The following CSTF3 variants were observed in gnomAD, a reference collection of about 807,000 sequenced individuals.
The protein encoded by CSTF3 is cleavage stimulation factor subunit 3, also known as CF-1 77 kDa subunit.
A neutral mutation model predicts 105.8 loss-of-function variants in CSTF3; 29 were observed. The observed-to-expected ratio is 0.27, with a 90% CI of 0.20 to 0.37. The LOEUF is 0.37. Ranked by LOEUF, CSTF3 falls within the 10% of genes least tolerant of loss-of-function variation. The pLI is 1.00. For missense variants in CSTF3, 357 were observed against 879.3 expected, an observed-to-expected ratio of 0.41 and a Z score of 7.51; for synonymous variants, 252 against 281.9, an observed-to-expected ratio of 0.89 and a Z score of 1.06.
At chr11:33,130,603 T>TA (rs1268435487) in intron 3 of CSTF3, among the ~76,000 whole-genome samples, 1 of 152,246 alleles carries the variant, frequency 6.6e-6, no homozygotes, top group African/African-American at 2.4e-5. Context: ...GAAAGGCTAA[T>TA]ACACTCTACC....
chr11:33,158,961 A>G (rs1194296319), intron 1 of CSTF3, among the ~76,000 whole-genome samples: 1 of 152,166 alleles, frequency 6.6e-6, no homozygotes, highest in East Asian at 1.9e-4. Flanking sequence ...AAATGATTCA[A>G]TATGTAAATC....
chr11:33,111,576 T>C (rs550277332), intron 3 of CSTF3, among the ~76,000 whole-genome samples: 2 of 152,334 alleles, frequency 1.3e-5, no homozygotes, highest in African/African-American at 4.8e-5. Context: ...GGCAGGGTGA[T>C]ACGGGTGGAT....
At chr11:33,091,123 A>G (rs1247595497) in intron 16 of CSTF3, among the ~76,000 whole-genome samples, 2 of 152,194 alleles carry the variant, frequency 1.3e-5, no homozygotes. Flanking sequence ...ACAGATTTCT[A>G]ATTTCTCCTG....
At chr11:33,110,897 C>T (rs1217877110) in intron 3 of CSTF3, among the ~76,000 whole-genome samples, 2 of 152,018 alleles carry the variant, frequency 1.3e-5, no homozygotes, top group Admixed American at 1.3e-4. Flanking sequence ...AAAAATGTAT[C>T]TTTTGACGCA....
At chr11:33,148,466 G>A (rs540173023) in intron 1 of CSTF3, among the ~76,000 whole-genome samples, 1 of 152,244 alleles carries the variant, frequency 6.6e-6, no homozygotes, top group African/African-American at 2.4e-5. Context: ...GGAGGCCAAG[G>A]CAGGTGGATC....
chr11:33,156,736 G>A (rs949152651), intron 1 of CSTF3: 13 of 453,964 alleles, frequency 2.9e-5, no homozygotes, highest in African/African-American at 1.6e-4. Flanking sequence ...GAAGGCTGAG[G>A]CAGGAGGATC....
At chr11:33,151,438 G>A (rs1204555428) in intron 1 of CSTF3, among the ~76,000 whole-genome samples, 2 of 151,956 alleles carry the variant, frequency 1.3e-5, no homozygotes, top group South Asian at 2.1e-4. Context: ...CACCTGCCTC[G>A]GCCTCTCAAA....
chr11:33,104,707 A>G (rs1340445802), intron 8 of CSTF3, among the ~76,000 whole-genome samples: 3 of 152,156 alleles, frequency 2.0e-5, no homozygotes, highest in African/African-American at 7.2e-5. Flanking sequence ...TGAGACTGCA[A>G]TGAGCTGTGA....
At chr11:33,090,865 T>C in intron 16 of CSTF3, 138 bp from the exon 17 acceptor site, 1 of 513,800 alleles carries the variant, frequency 1.9e-6, no homozygotes, top group Non-Finnish European at 3.3e-6. Context: ...ATTTTTAGAC[T>C]ATAGAAAAAT....
rs948196154 is a variant in CSTF3 at position 33,114,593 on chromosome 11, G to A, written c.226-6175C>T. On this transcript the variant is annotated intron_variant, in intron 3 of 20. Coordinates refer to ENST00000323959, the MANE Select transcript of CSTF3 (RefSeq NM_001326.3). Reference sequence around the variant, plus strand: ...AGGCTGGGTGCAGTGGCTTACACCTGTAATCCCAGCACTTTGGGAGGCCGA... The same window carrying A: ...AGGCTGGGTGCAGTGGCTTACACCTATAATCCCAGCACTTTGGGAGGCCGA... Among the ~76,000 whole-genome samples, 3 of 152,168 alleles carry A rather than the reference G, an allele frequency of 2.0e-5. No homozygotes were observed. In the East Asian group the frequency reaches 5.8e-4, roughly 29 times the overall value.
chr11:33,125,867 C>A (rs867687886), intron 3 of CSTF3, among the ~76,000 whole-genome samples: 8 of 152,270 alleles, frequency 5.3e-5, no homozygotes, highest in Middle Eastern at 3.4e-3. Flanking sequence ...TTTTCTCCCT[C>A]CCCAGTCCAT....
intron 17 of CSTF3, among the ~76,000 whole-genome samples, chr11:33,090,325 T>C (rs958907824): frequency 5.9e-5 from 9 of 152,168 alleles, no homozygotes; most frequent in African/African-American, 1.9e-4. Context: ...AACTATTAAA[T>C]CCCATTTCAA....
intron 3 of CSTF3, among the ~76,000 whole-genome samples, chr11:33,139,475 G>A (rs1303008904): frequency 1.3e-5 from 2 of 151,806 alleles, no homozygotes; most frequent in Non-Finnish European, 2.9e-5. Flanking sequence ...ATAGGTTTGT[G>A]TCTTCTCCAG....
intron 1 of CSTF3, among the ~76,000 whole-genome samples, chr11:33,147,697 C>T (rs1420344869): frequency 6.6e-6 from 1 of 152,062 alleles, no homozygotes; most frequent in Non-Finnish European, 1.5e-5. Flanking sequence ...TTCATCTATA[C>T]TTGAACTGCT....
chr11:33,089,032 T>A (rs1210673391), intron 17 of CSTF3, among the ~76,000 whole-genome samples: 2 of 152,128 alleles, frequency 1.3e-5, no homozygotes, highest in Non-Finnish European at 2.9e-5. Context: ...ATTGTATAGG[T>A]TCTAGGAAAC....
At position 33,084,929 on chromosome 11, in the gene CSTF3, G is replaced by A. The variant is rs1418662162; in HGVS notation, c.*158C>T. 2.6e-6 allele frequency: 2 copies of A among 772,620 alleles called. No homozygotes were observed. Among genetic ancestry groups the A allele is most frequent in the Non-Finnish European group, 4.3e-6 (2 of 470,402 alleles). The allele number at this position is 772,620 out of a possible 1,614,324, so 47.9% of individuals were successfully genotyped here. On this transcript the variant is annotated 3_prime_UTR_variant, in exon 21 of 21. Coordinates refer to ENST00000323959, the MANE Select transcript of CSTF3 (RefSeq NM_001326.3). Reference sequence around the variant, plus strand: ...GTTCCGTATTCTAAAATTCACACAGGTTGGTTTGTTTTTTCTCAAGAACCA... The same window carrying A: ...GTTCCGTATTCTAAAATTCACACAGATTGGTTTGTTTTTTCTCAAGAACCA...
At chr11:33,154,378 C>T (rs1450175700) in intron 1 of CSTF3, among the ~76,000 whole-genome samples, 2 of 151,116 alleles carry the variant, frequency 1.3e-5, no homozygotes, top group African/African-American at 4.9e-5. Context: ...GAATTTTTTG[C>T]TAAAATATTA....
intron 13 of CSTF3, among the ~76,000 whole-genome samples, chr11:33,097,804 C>T (rs1161445283): frequency 6.6e-6 from 1 of 152,200 alleles, no homozygotes; most frequent in African/African-American, 2.4e-5. Flanking sequence ...GTGTCCAGTA[C>T]ATCATGAGTA....
chr11:33,105,470 T>A, intron 8 of CSTF3, 97 bp downstream of exon 8: 1 of 1,177,374 alleles, frequency 8.5e-7, no homozygotes, highest in Non-Finnish European at 1.2e-6. Flanking sequence ...AAAAAAAGTG[T>A]AACACTGATA....
Sources: allele counts gnomAD v4.1 joint callset (sites outside exome capture counted in the v4.1 genomes callset), GRCh38; gene constraint gnomAD v4.1.1; transcripts MANE v1.5; gene names NCBI Gene and HGNC (gene_info 2026-07-23, HGNC 2026-07-21).